Variants in ERGIC2 observed in about 807,000 individuals in gnomAD.
ERGIC2 encodes endoplasmic reticulum-Golgi intermediate compartment protein 2.
ERGIC2 carries 31 observed loss-of-function variants against 52.5 expected under a neutral mutation model. The observed-to-expected ratio is 0.59, with a 90% CI of 0.44 to 0.80. ERGIC2 has a LOEUF of 0.80. Ranked by LOEUF, ERGIC2 falls within the 30% of genes least tolerant of loss-of-function variation. The probability of loss-of-function intolerance (pLI) is 0.00; values close to 1 mark genes in which losing one functional copy is unlikely to be tolerated. For synonymous variants in ERGIC2, 129 were observed against 140.6 expected (o/e 0.92, Z 0.58); for missense variants, 395 against 455.2 (o/e 0.87, Z 1.20).
At chr12:29,374,097 A>T (rs756533759) in intron 1 of ERGIC2, among the ~76,000 whole-genome samples, 2 of 152,178 alleles carry the variant, frequency 1.3e-5, no homozygotes, top group Non-Finnish European at 2.9e-5. Flanking sequence ...CTCTCGCAGC[A>T]CACCTACAGC....
At position 29,340,915 on chromosome 12, in the gene ERGIC2, A is replaced by C. The variant is rs1949833307; in HGVS notation, c.*241T>G. On this transcript the variant is annotated 3_prime_UTR_variant, in exon 14 of 14. Transcript: ENST00000360150. ...TATAAGAAGGCGTCATCTTCAAAGC[A>C]ACACTCCAGTTGGGCTTCTTCATCG... 1.9e-6 allele frequency: 1 copy of C among 536,568 alleles called. No individual in the cohort carries two copies. The highest frequency in any genetic ancestry group is 3.4e-5 in the Admixed American group (1 of 29,372). 33.2% of individuals were successfully genotyped at this position (536,568 alleles called of 1,614,324 possible).
At chr12:29,341,956 G>A (rs1949843473) in intron 12 of ERGIC2, 140 bp from the exon 13 acceptor site, 2 of 509,430 alleles carry the variant, frequency 3.9e-6, no homozygotes. Flanking sequence ...AATCAAGAAA[G>A]ATTTTAAAAC....
In ERGIC2 at chr12:29,349,079, G is replaced by C. The variant is rs200158590; in HGVS notation, c.727C>G (p.His243Asp). ...CCAACAATAATTATTAAATACTTACGATCTATAGCAATTTTTTCAGTTCCA... is the reference window on the plus strand; with the variant it reads ...CCAACAATAATTATTAAATACTTACCATCTATAGCAATTTTTTCAGTTCCA... ...LDGTEKIAID[H>D]NQMFQYFITV... The change falls in exon 10 of 14, where the codon CAC becomes GAC. Residue 243 changes from histidine to aspartate, a missense_variant and splice_region_variant. By Grantham distance (81) the His-to-Asp change is moderately conservative. Coordinates refer to ENST00000360150, the MANE Select transcript of ERGIC2 (RefSeq NM_016570.3). 4.1e-6 allele frequency: 6 copies of C among 1,461,946 alleles called. No homozygotes were observed. Among genetic ancestry groups the C allele is most frequent in the Non-Finnish European group, 5.6e-6 (6 of 1,075,460 alleles). The allele number at this position is 1,461,946 out of a possible 1,614,324, so 90.6% of individuals were successfully genotyped here.
At chr12:29,374,728 C>T (rs1191682207) in intron 1 of ERGIC2, among the ~76,000 whole-genome samples, 1 of 152,142 alleles carries the variant, frequency 6.6e-6, no homozygotes, top group Non-Finnish European at 1.5e-5. Flanking sequence ...CTTAAATCTG[C>T]CTGTCTTCTC....
At chr12:29,348,566 T>TA (rs1940089000) in intron 10 of ERGIC2, among the ~76,000 whole-genome samples, 2 of 152,106 alleles carry the variant, frequency 1.3e-5, no homozygotes, top group South Asian at 4.1e-4. Flanking sequence ...TTAAAAAGGT[T>TA]ATCTGTGCTA....
chr12:29,379,095 G>T (rs1940552570), intron 1 of ERGIC2, among the ~76,000 whole-genome samples: 1 of 152,176 alleles, frequency 6.6e-6, no homozygotes, highest in Non-Finnish European at 1.5e-5. Context: ...AGACTATAGA[G>T]TGATAACAGA....
At chr12:29,374,443 C>T (rs1469168866) in intron 1 of ERGIC2, among the ~76,000 whole-genome samples, 2 of 152,130 alleles carry the variant, frequency 1.3e-5, no homozygotes, top group African/African-American at 4.8e-5. Context: ...CCCAAATGAT[C>T]GCCCACTCCT....
At chr12:29,371,791 A>C in intron 1 of ERGIC2, 121 bp from the exon 2 acceptor site, 2 of 561,660 alleles carry the variant, frequency 3.6e-6, no homozygotes, top group South Asian at 4.9e-5. Context: ...CCCCCTTAAA[A>C]ATAAAAAGCA....
rs192555127 is a variant in ERGIC2 at position 29,346,395 on chromosome 12, G to A, written c.728-855C>T. On this transcript the variant is annotated intron_variant, in intron 10 of 13. Coordinates refer to ENST00000360150, the MANE Select transcript of ERGIC2 (RefSeq NM_016570.3). ...AGTAGAGACAGGGTTTTGCCATGTC[G>A]CCCAGGCTGGTCTCAAACTCCTGGG... 8.8e-3 allele frequency among the ~76,000 whole-genome samples: 1,333 copies of A among 151,786 alleles called. 19 individuals are homozygous for A. The highest frequency in any genetic ancestry group is 0.034 in the Middle Eastern group (10 of 294).
intron 1 of ERGIC2, among the ~76,000 whole-genome samples, chr12:29,376,503 G>A (rs368336539): frequency 1.3e-5 from 2 of 152,150 alleles, no homozygotes; most frequent in East Asian, 3.9e-4. Flanking sequence ...GCTTAACAGC[G>A]CTTCTCCTCC....
intron 4 of ERGIC2, 137 bp from the exon 5 acceptor site, chr12:29,367,084 A>C (rs12831751): frequency 0.32 from 141,877 of 443,992 alleles, 26,746 homozygotes; most frequent in African/African-American, 0.6. Flanking sequence ...TATGTAGAAT[A>C]ATTTCCGATA....
rs940051682 is a variant in ERGIC2, at chr12:29,337,810, C to T, written c.*3346G>A. 1 of 152,140 alleles carries T rather than the reference C, an allele frequency of 6.6e-6. No homozygotes were observed. Among genetic ancestry groups the T allele is most frequent in the Non-Finnish European group, 1.5e-5 (1 of 68,026 alleles). The allele number at this position is 152,140 out of a possible 1,614,324, so 9.4% of individuals were successfully genotyped here. A position where few individuals can be genotyped will look rare whatever the true frequency, so the allele number is the denominator to read the frequency against. ...TTTCAAGGAGTTTCATATTAAATTA[C>T]TTTTTGGTACTTGAATTACTAACTC... On this transcript the variant is annotated 3_prime_UTR_variant, in exon 14 of 14. Transcript: ENST00000360150.
intron 12 of ERGIC2, among the ~76,000 whole-genome samples, 168 bp downstream of exon 12, chr12:29,342,952 G>A (rs1433997458): frequency 6.6e-6 from 1 of 152,156 alleles, no homozygotes; most frequent in Non-Finnish European, 1.5e-5. Flanking sequence ...AATGAAATTA[G>A]TTATGTTTAC....
chr12:29,341,937 G>A (rs1055368414), intron 12 of ERGIC2, 121 bp from the exon 13 acceptor site: 2 of 529,318 alleles, frequency 3.8e-6, no homozygotes, highest in East Asian at 3.2e-5. Context: ...CACTTCCATG[G>A]TTAAAAATAA....
At chr12:29,359,880 G>A (rs1940259438) in intron 6 of ERGIC2, among the ~76,000 whole-genome samples, 1 of 151,920 alleles carries the variant, frequency 6.6e-6, no homozygotes, top group Admixed American at 6.6e-5. Flanking sequence ...GGAGACGGAA[G>A]CACTTATAAC....
At chr12:29,367,839 T>C (rs1940386139) in intron 4 of ERGIC2, among the ~76,000 whole-genome samples, 1 of 151,824 alleles carries the variant, frequency 6.6e-6, no homozygotes, top group Non-Finnish European at 1.5e-5. Context: ...TAACTTAAAA[T>C]AACTGGATCT....
Sources: gnomAD v4.1 joint callset for allele counts (sites outside exome capture counted in the v4.1 genomes callset) on GRCh38, gnomAD v4.1.1 for gene constraint, MANE v1.5 for transcripts, NCBI Gene and HGNC (gene_info 2026-07-23, HGNC 2026-07-21) for gene names.